Variants in SNX29 observed in about 807,000 individuals in gnomAD.
The protein encoded by SNX29 is sorting nexin-29.
In SNX29, 78 loss-of-function variants were observed where a neutral mutation model predicts 102.1. That is an observed-to-expected ratio of 0.76 (90% CI 0.64 to 0.92). The LOEUF is 0.92. Among genes scored for constraint, SNX29 ranks in the 40% least tolerant of loss-of-function variants. The pLI, the probability that SNX29 is intolerant of heterozygous loss-of-function variation, is 0.00. For missense variants in SNX29, 1,280 were observed against 1,061.7 expected (o/e 1.21, Z -2.86); for synonymous variants, 580 against 414.5 (o/e 1.40, Z -4.85).
chr16:12,470,019 A>G (rs979278508), intron 18 of SNX29, among the ~76,000 whole-genome samples: 5 of 152,208 alleles, frequency 3.3e-5, no homozygotes, highest in Non-Finnish European at 5.9e-5. Flanking sequence ...GTCTCAAAAA[A>G]ATAAAATAAA....
intron 20 of SNX29, among the ~76,000 whole-genome samples, chr16:12,542,000 C>G (rs866634997): frequency 2.6e-5 from 4 of 152,180 alleles, no homozygotes; most frequent in African/African-American, 9.7e-5. Context: ...TCCAGAAGGG[C>G]TCACGTTTGC....
At chr16:12,430,371 G>C (rs1035151121) in intron 18 of SNX29, among the ~76,000 whole-genome samples, 2 of 152,234 alleles carry the variant, frequency 1.3e-5, no homozygotes, top group Non-Finnish European at 2.9e-5. Flanking sequence ...TCCCGGCCTT[G>C]TGGGGGACAC....
chr16:12,385,851 A>T (rs894658295), intron 16 of SNX29, among the ~76,000 whole-genome samples: 1 of 152,214 alleles, frequency 6.6e-6, no homozygotes, highest in Non-Finnish European at 1.5e-5. Flanking sequence ...GGGCGGCAAG[A>T]TGGACAACAT....
chr16:12,297,846 C>G (rs1428174324), intron 15 of SNX29, among the ~76,000 whole-genome samples: 2 of 152,170 alleles, frequency 1.3e-5, no homozygotes, highest in Admixed American at 6.5e-5. Flanking sequence ...TGCTGAACCT[C>G]ACTTTTCCCC....
chr16:12,548,421 C>G (rs949163245), intron 20 of SNX29, among the ~76,000 whole-genome samples: 1 of 152,184 alleles, frequency 6.6e-6, no homozygotes, highest in Non-Finnish European at 1.5e-5. Flanking sequence ...TCTGGCTCCC[C>G]ACTGTGCCAC....
At chr16:12,433,487 C>A (rs1428205533) in intron 18 of SNX29, among the ~76,000 whole-genome samples, 2 of 151,986 alleles carry the variant, frequency 1.3e-5, no homozygotes, top group Non-Finnish European at 2.9e-5. Flanking sequence ...AACAATTAGC[C>A]TGGCGTGGTG....
chr16:12,102,721 C>A (rs1274282642), intron 11 of SNX29, among the ~76,000 whole-genome samples: 1 of 151,978 alleles, frequency 6.6e-6, no homozygotes, highest in Non-Finnish European at 1.5e-5. Context: ...AGCAATCAGG[C>A]AAGAAAAAGA....
chr16:12,193,077 C>A (rs1350984979), intron 13 of SNX29, among the ~76,000 whole-genome samples: 1 of 152,186 alleles, frequency 6.6e-6, no homozygotes, highest in Non-Finnish European at 1.5e-5. Context: ...TCAGGTGATC[C>A]TCCTGCCTCA....
At position 12,569,741 on chromosome 16, in the gene SNX29, C is replaced by CG; in HGVS notation, c.*1112_*1113insG. On this transcript the variant is annotated 3_prime_UTR_variant, in exon 21 of 21. Coordinates refer to ENST00000566228, the MANE Select transcript of SNX29 (RefSeq NM_032167.5). ...CAGCAGCTGGGCAGCCCCCAGGGCTCCTCCTCCAGTGAGCTCACATCAGAG... is the reference window on the plus strand; with the variant it reads ...CAGCAGCTGGGCAGCCCCCAGGGCTCGCTCCTCCAGTGAGCTCACATCAGAG... 4.3e-6 allele frequency: 1 copy of CG among 230,676 alleles called. No homozygotes were observed. The highest frequency in any genetic ancestry group is 5.7e-5 in the Admixed American group (1 of 17,694). 14.3% of individuals were successfully genotyped at this position (230,676 alleles called of 1,614,324 possible). A position where few individuals can be genotyped will look rare whatever the true frequency, so the allele number is the denominator to read the frequency against.
intron 20 of SNX29, among the ~76,000 whole-genome samples, chr16:12,527,814 TTTC>T (rs1409749517): frequency 3.1e-4 from 46 of 150,714 alleles, no homozygotes; most frequent in African/African-American, 6.2e-4. Context: ...GTTATTTATT[TTTC>T]TTCTTCTTCT....
intron 18 of SNX29, among the ~76,000 whole-genome samples, chr16:12,441,860 A>T (rs1315927806): frequency 6.6e-6 from 1 of 151,912 alleles, no homozygotes; most frequent in African/African-American, 2.4e-5. Context: ...GTGATCTCAG[A>T]TCCCTGCAAC....
chr16:12,164,566 G>C (rs1486036071), intron 13 of SNX29, among the ~76,000 whole-genome samples: 1 of 152,070 alleles, frequency 6.6e-6, no homozygotes, highest in East Asian at 1.9e-4. Context: ...CACTTTGAAA[G>C]GGGCCATACA....
intron 20 of SNX29, among the ~76,000 whole-genome samples, chr16:12,535,217 C>A (rs1309152603): frequency 6.6e-6 from 1 of 152,228 alleles, no homozygotes. Context: ...CAGCTCACTG[C>A]AACCTCTGCC....
intron 20 of SNX29, among the ~76,000 whole-genome samples, chr16:12,543,222 G>T (rs1616112): frequency 0.017 from 2,539 of 152,256 alleles, 32 homozygotes; most frequent in Middle Eastern, 0.065. Flanking sequence ...CCTGATAGCT[G>T]TAGCGGAAAT....
In SNX29 at chr16:12,570,120, A is replaced by G. The variant is rs745161; in HGVS notation, c.*1491A>G. 0.23 allele frequency: 240,572 copies of G among 1,030,824 alleles called. 28,619 individuals are homozygous for G. The highest frequency in any genetic ancestry group is 0.44 in the East Asian group (8,615 of 19,718). 63.9% of individuals were successfully genotyped at this position (1,030,824 alleles called of 1,614,324 possible). A position where few individuals can be genotyped will look rare whatever the true frequency, so the allele number is the denominator to read the frequency against. On this transcript the variant is annotated 3_prime_UTR_variant, in exon 21 of 21. Transcript: ENST00000566228. ...CTCGTAGCAAAAAGGAAGATTGTTC[A>G]TGGCCTTTAAGGAAGGCTGAGATCA...
At chr16:12,299,897 G>T (rs1453019137) in intron 15 of SNX29, among the ~76,000 whole-genome samples, 2 of 150,366 alleles carry the variant, frequency 1.3e-5, no homozygotes, top group Non-Finnish European at 1.5e-5. Flanking sequence ...TTGAGATCGA[G>T]TCTTGCTCTG....
chr16:12,016,571 G>C (rs1180483948), intron 3 of SNX29, among the ~76,000 whole-genome samples: 1 of 152,120 alleles, frequency 6.6e-6, no homozygotes, highest in African/African-American at 2.4e-5. Context: ...CTGTGTCCTT[G>C]CTAGCATTTG....
At chr16:12,523,680 T>G (rs1256683766) in intron 19 of SNX29, among the ~76,000 whole-genome samples, 11 of 152,128 alleles carry the variant, frequency 7.2e-5, no homozygotes, top group Admixed American at 7.2e-4. Context: ...CCAAGCAAGC[T>G]GGCCCTGCCC....
At position 12,237,736 on chromosome 16, in the gene SNX29, C is replaced by G. The variant is rs1447067595; in HGVS notation, c.1678+38053C>G. Among the ~76,000 whole-genome samples the G allele has an allele frequency of 2.6e-5, 4 of 152,108 alleles. No individual in the cohort carries two copies. In the East Asian group the frequency reaches 5.8e-4, roughly 22 times the overall value. On this transcript the variant is annotated intron_variant, in intron 14 of 20. Coordinates refer to ENST00000566228, the MANE Select transcript of SNX29 (RefSeq NM_032167.5). ...AGACTGGGCAACTTGGTGAAACCCC[C>G]GTCTCTACTAAAAATACAAAAATTA...
Sources: gnomAD v4.1 joint callset for allele counts (sites outside exome capture counted in the v4.1 genomes callset) on GRCh38, gnomAD v4.1.1 for gene constraint, MANE v1.5 for transcripts, NCBI Gene and HGNC (gene_info 2026-07-23, HGNC 2026-07-21) for gene names.